Variants in NHLRC2 observed in about 807,000 individuals in gnomAD.
NHLRC2 encodes NHL repeat-containing protein 2.
A neutral mutation model predicts 68.1 loss-of-function variants in NHLRC2; 33 were observed. That is an observed-to-expected ratio of 0.48 (90% confidence interval 0.37 to 0.65). The LOEUF is 0.65. Among genes scored for constraint, NHLRC2 ranks in the 30% least tolerant of loss-of-function variants. The pLI is 0.00. For missense variants in NHLRC2, 761 were observed against 853.8 expected, an observed-to-expected ratio of 0.89 and a Z score of 1.35; for synonymous variants, 311 against 309.6, an observed-to-expected ratio of 1.00 and a Z score of -0.05.
At chr10:113,888,528 G>C (rs1483984288) in intron 5 of NHLRC2, among the ~76,000 whole-genome samples, 3 of 152,100 alleles carry the variant, frequency 2.0e-5, no homozygotes, top group Non-Finnish European at 4.4e-5. Context: ...AAATGCATGT[G>C]TTTATGTATT....
At chr10:113,879,493 G>C in intron 3 of NHLRC2, 81 bp from the exon 4 acceptor site, 1 of 1,207,836 alleles carries the variant, frequency 8.3e-7, no homozygotes, top group Admixed American at 2.5e-5. Flanking sequence ...TAAAATCCCA[G>C]CATTAAATAC....
chr10:113,859,434 A>ACT (rs1238847246), intron 2 of NHLRC2, among the ~76,000 whole-genome samples: 1 of 152,202 alleles, frequency 6.6e-6, no homozygotes, highest in Non-Finnish European at 1.5e-5. Context: ...CTGTGTTAGT[A>ACT]AAGATGAGAA....
chr10:113,906,973 C>T (rs1465465543), intron 10 of NHLRC2, among the ~76,000 whole-genome samples: 4 of 152,128 alleles, frequency 2.6e-5, no homozygotes, highest in Non-Finnish European at 2.9e-5. Flanking sequence ...GGTGACAGAG[C>T]GAGACTCCGT....
intron 5 of NHLRC2, among the ~76,000 whole-genome samples, chr10:113,885,867 AT>A (rs2134718039): frequency 6.6e-6 from 1 of 152,158 alleles, no homozygotes; most frequent in East Asian, 1.9e-4. Flanking sequence ...GTACATTTTT[AT>A]ACTAGTGGTT....
At chr10:113,880,505 G>A (rs1846027768) in intron 4 of NHLRC2, among the ~76,000 whole-genome samples, 1 of 151,854 alleles carries the variant, frequency 6.6e-6, no homozygotes, top group Admixed American at 6.6e-5. Flanking sequence ...TGGAAAATAA[G>A]TAACCAAGTT....
Position 113,912,475 on chromosome 10 carries a change from G to A in NHLRC2, c.*3939G>A, listed in dbSNP as rs1367527379. The A allele has an allele frequency of 6.6e-6, 1 of 152,132 alleles. No individual in the cohort carries two copies. Among genetic ancestry groups the A allele is most frequent in the Non-Finnish European group, 1.5e-5 (1 of 68,016 alleles). 9.4% of individuals were successfully genotyped at this position (152,132 alleles called of 1,614,324 possible). A position where few individuals can be genotyped will look rare whatever the true frequency, so the allele number is the denominator to read the frequency against. Reference sequence around the variant, plus strand: ...AGTTATAAAGAAGCATGCCTATAGTGTTATTAAAAATTTTTTGTACGACTT... The same window carrying A: ...AGTTATAAAGAAGCATGCCTATAGTATTATTAAAAATTTTTTGTACGACTT... On this transcript the variant is annotated 3_prime_UTR_variant, in exon 11 of 11. Coordinates refer to ENST00000369301, the MANE Select transcript of NHLRC2 (RefSeq NM_198514.4).
Position 113,914,496 on chromosome 10 carries a change from A to G in NHLRC2, c.*5960A>G, listed in dbSNP as rs1846362404. 1 of 163,414 alleles carries G rather than the reference A, an allele frequency of 6.1e-6. No individual in the cohort carries two copies. Among genetic ancestry groups the G allele is most frequent in the Non-Finnish European group, 1.3e-5 (1 of 75,372 alleles). 10.1% of individuals were successfully genotyped at this position (163,414 alleles called of 1,614,324 possible). ...TAAATACTATTAAAAGGAATTAAGC[A>G]AAATGCTACGTACCAATGATTATGA... On this transcript the variant is annotated 3_prime_UTR_variant, in exon 11 of 11. Coordinates refer to ENST00000369301, the MANE Select transcript of NHLRC2 (RefSeq NM_198514.4).
At chr10:113,903,470 T>C (rs1846245708) in intron 8 of NHLRC2, 57 bp from the exon 9 acceptor site, 1 of 1,074,710 alleles carries the variant, frequency 9.3e-7, no homozygotes, top group Admixed American at 1.9e-5. Flanking sequence ...TACTCTTCCA[T>C]ACAACAAACA....
At chr10:113,901,575 T>C in intron 6 of NHLRC2, 91 bp from the exon 7 acceptor site, 1 of 819,536 alleles carries the variant, frequency 1.2e-6, no homozygotes, top group Non-Finnish European at 2.0e-6. Context: ...CTTATCACTT[T>C]TGATTTGATT....
chr10:113,877,115 A>AT (rs1157892052), intron 3 of NHLRC2, 139 bp downstream of exon 3: 17 of 523,486 alleles, frequency 3.2e-5, no homozygotes, highest in Non-Finnish European at 5.4e-5. Flanking sequence ...CCTAATAAAA[A>AT]TTTTTTGTTA....
chr10:113,885,224 T>C (rs1048402423), intron 5 of NHLRC2, among the ~76,000 whole-genome samples: 3 of 151,968 alleles, frequency 2.0e-5, no homozygotes, highest in Non-Finnish European at 4.4e-5. Context: ...TTGGTTGTTA[T>C]TAACTTTTAT....
intron 10 of NHLRC2, among the ~76,000 whole-genome samples, chr10:113,906,542 A>G (rs1846276436): frequency 6.6e-6 from 1 of 150,626 alleles, no homozygotes; most frequent in Non-Finnish European, 1.5e-5. Context: ...TTTAAGCCAA[A>G]AAAAAAAAGG....
At chr10:113,875,713 A>G (rs989271286) in intron 2 of NHLRC2, among the ~76,000 whole-genome samples, 1 of 152,046 alleles carries the variant, frequency 6.6e-6, no homozygotes, top group African/African-American at 2.4e-5. Flanking sequence ...CTGTGTTTTG[A>G]TTCGGAATTG....
In NHLRC2 at chr10:113,903,737, G is replaced by T; in HGVS notation, c.1704+1G>T. On this transcript the variant is annotated splice_donor_variant, in intron 9 of 10. Transcript: ENST00000369301. LOFTEE classifies it high-confidence loss of function. Reference sequence around the variant, plus strand: ...TTTAGAAACTAAAATGGTATCTGTGGTAAGTAATTTTAAAATATAAGTTAA... The same window carrying T: ...TTTAGAAACTAAAATGGTATCTGTGTTAAGTAATTTTAAAATATAAGTTAA... 1 of 1,465,616 alleles carries T rather than the reference G, an allele frequency of 6.8e-7. No homozygotes were observed. Among genetic ancestry groups the T allele is most frequent in the African/African-American group, 1.4e-5 (1 of 71,644 alleles). The allele number at this position is 1,465,616 out of a possible 1,614,324, so 90.8% of individuals were successfully genotyped here. A position where few individuals can be genotyped will look rare whatever the true frequency, so the allele number is the denominator to read the frequency against.
At chr10:113,880,613 AT>A (rs1846028848) in intron 4 of NHLRC2, among the ~76,000 whole-genome samples, 1 of 151,856 alleles carries the variant, frequency 6.6e-6, no homozygotes, top group Non-Finnish European at 1.5e-5. Flanking sequence ...TTATTTGACA[AT>A]ATTTTCACTT....
At position 113,916,844 on chromosome 10, in the gene NHLRC2, A is replaced by G. The variant is rs1048028704; in HGVS notation, c.*8308A>G. ...TGATTAAAAATGCAGCGAAAATCCAATCTACAAGTTCATATATTGGTATTT... is the reference window on the plus strand; with the variant it reads ...TGATTAAAAATGCAGCGAAAATCCAGTCTACAAGTTCATATATTGGTATTT... On this transcript the variant is annotated 3_prime_UTR_variant, in exon 11 of 11. Transcript: ENST00000369301. 7.9e-5 allele frequency: 12 copies of G among 152,196 alleles called. No homozygotes were observed. The highest frequency in any genetic ancestry group is 2.9e-4 in the African/African-American group (12 of 41,464). 9.4% of individuals were successfully genotyped at this position (152,196 alleles called of 1,614,324 possible).
At chr10:113,859,260 T>C (rs1010372911) in intron 2 of NHLRC2, among the ~76,000 whole-genome samples, 2 of 152,164 alleles carry the variant, frequency 1.3e-5, no homozygotes, top group Non-Finnish European at 2.9e-5. Flanking sequence ...ATTATACTTA[T>C]TGGCTTTAGA....
rs1168019475 is a variant in NHLRC2, at chr10:113,896,447, A to G, written c.1040-1663A>G. ...AACCAAACACCGCATATTCTCACTC[A>G]TAGGTGGGAATTGAACAATGAGAAC... On this transcript the variant is annotated intron_variant, in intron 5 of 10. Transcript: ENST00000369301. Among the ~76,000 whole-genome samples, 6 of 145,916 alleles carry G rather than the reference A, an allele frequency of 4.1e-5. No homozygotes were observed. In the Admixed American group the frequency reaches 4.3e-4, roughly 10 times the overall value.
At chr10:113,856,256 G>C (rs1379460684) in intron 1 of NHLRC2, among the ~76,000 whole-genome samples, 1 of 152,132 alleles carries the variant, frequency 6.6e-6, no homozygotes, top group African/African-American at 2.4e-5. Flanking sequence ...GTGTCCTGGC[G>C]TGACACTGAA....
Sources: gnomAD v4.1 joint callset for allele counts (sites outside exome capture counted in the v4.1 genomes callset) on GRCh38, gnomAD v4.1.1 for gene constraint, MANE v1.5 for transcripts, NCBI Gene and HGNC (gene_info 2026-07-23, HGNC 2026-07-21) for gene names.